Variants in POLRMT observed in about 807,000 individuals in gnomAD.
POLRMT encodes RNA polymerase mitochondrial.
Under a neutral mutation model 132.2 loss-of-function variants are expected in POLRMT, and 114 were observed. That is an observed-to-expected ratio of 0.86 (90% confidence interval 0.74 to 1.01). The LOEUF (loss-of-function observed/expected upper bound fraction) is 1.01, where lower values mean the gene tolerates loss of function less well. Ranked by LOEUF, POLRMT falls within the 50% of genes least tolerant of loss-of-function variation. The pLI, the probability that POLRMT is intolerant of heterozygous loss-of-function variation, is 0.00. For synonymous variants in POLRMT, 1,020 were observed against 773.4 expected, an observed-to-expected ratio of 1.32 and a Z score of -5.29; for missense variants, 2,003 against 1,729.1, an observed-to-expected ratio of 1.16 and a Z score of -2.81.
chr19:627,782 G>A (rs1003713072), intron 3 of POLRMT, among the ~76,000 whole-genome samples: 6 of 151,766 alleles, frequency 4.0e-5, no homozygotes, highest in South Asian at 2.1e-4. Flanking sequence ...AAAATTGGCC[G>A]GGCGTGGTGG....
rs377572880 is a variant in POLRMT at position 623,617 on chromosome 19, G to C, written c.1141-14C>G. ...CACACGCCCATCCTGCAGGGATGGG[G>C]GTAGTGAGGTTGGGGGCTTGCCAGA... is the stretch of plus-strand genomic sequence containing the variant. On this transcript the variant is annotated splice_polypyrimidine_tract_variant and intron_variant, in intron 5 of 20. Coordinates refer to ENST00000588649, the MANE Select transcript of POLRMT (RefSeq NM_005035.4). 2.0e-5 allele frequency: 32 copies of C among 1,612,188 alleles called. No individual in the cohort carries two copies. The highest frequency in any genetic ancestry group is 2.6e-5 in the Non-Finnish European group (31 of 1,179,042).
In POLRMT at chr19:618,599, C is replaced by A; in HGVS notation, c.3324-13G>T. 2 of 1,607,692 alleles carry A rather than the reference C, an allele frequency of 1.2e-6. No homozygotes were observed. Among genetic ancestry groups the A allele is most frequent in the Non-Finnish European group, 1.7e-6 (2 of 1,175,086 alleles). On this transcript the variant is annotated splice_polypyrimidine_tract_variant and intron_variant, in intron 16 of 20. Coordinates refer to ENST00000588649, the MANE Select transcript of POLRMT (RefSeq NM_005035.4). ...TGTGTTGGGCTTTCTGAGGACGGAA[C>A]AGGTGCCGGTGGGGGCGGCCCAGGG...
At chr19:622,013 C>A in intron 9 of POLRMT, 136 bp downstream of exon 9, 1 of 1,127,812 alleles carries the variant, frequency 8.9e-7, no homozygotes, top group South Asian at 1.6e-5. Context: ...GCATGGACAC[C>A]CATGGTGTGT....
chr19:622,681 G>A lies in POLRMT; in HGVS notation c.1527C>T (p.Phe509=), dbSNP rs772755688. The stretch of plus-strand genomic sequence containing the variant: ...GCTGCCTCTGCACCACGTGCCGGCT[G>A]AAAGTGCGCGCACTCAGCTCCCGGG... ...TLARELSART[F]SRHVVQRQRV... Residue 509 remains phenylalanine, a synonymous_variant, in exon 8 of 21, where the codon TTC becomes TTT. Transcript: ENST00000588649. 8 of 1,605,296 alleles carry A rather than the reference G, an allele frequency of 5.0e-6. No individual in the cohort carries two copies. The Admixed American group carries it at 6.7e-5, about 14-fold the overall frequency.
Position 618,118 on chromosome 19 carries a change from G to A in POLRMT, c.3423-269C>T, listed in dbSNP as rs571304487. The A allele has an allele frequency of 1.9e-3, 1,097 of 568,872 alleles. 19 individuals are homozygous for A. The South Asian group carries it at 0.021, about 11-fold the overall frequency. 35.2% of individuals were successfully genotyped at this position (568,872 alleles called of 1,614,324 possible). ...GAGCCTCAGCTCCGAGGGCGGCTAC[G>A]AGGTCCCCTCCTGCCAGGGCCACCA... is the stretch of plus-strand genomic sequence containing the variant. On this transcript the variant is annotated intron_variant, in intron 17 of 20. Coordinates refer to ENST00000588649, the MANE Select transcript of POLRMT (RefSeq NM_005035.4).
In POLRMT at chr19:618,102, C is replaced by T. The variant is rs1009559093; in HGVS notation, c.3423-253G>A. 7.0e-6 allele frequency: 4 copies of T among 575,364 alleles called. No homozygotes were observed. The Admixed American group carries it at 1.2e-4, about 18-fold the overall frequency. The allele number at this position is 575,364 out of a possible 1,614,324, so 35.6% of individuals were successfully genotyped here. ...CCCCACGCTGCTGTGGGAGCCTCAGCTCCGAGGGCGGCTACGAGGTCCCCT... is the reference window on the plus strand; with the variant it reads ...CCCCACGCTGCTGTGGGAGCCTCAGTTCCGAGGGCGGCTACGAGGTCCCCT... On this transcript the variant is annotated intron_variant, in intron 17 of 20. Coordinates refer to ENST00000588649, the MANE Select transcript of POLRMT (RefSeq NM_005035.4).
chr19:619,957 C>T lies in POLRMT; in HGVS notation c.2886+1G>A, dbSNP rs1421737662. 1.9e-6 allele frequency: 3 copies of T among 1,601,962 alleles called. No homozygotes were observed. The highest frequency in any genetic ancestry group is 2.2e-5 in the South Asian group (2 of 90,496). On this transcript the variant is annotated splice_donor_variant, in intron 12 of 20. Transcript: ENST00000588649. LOFTEE classifies it high-confidence loss of function. ...CCCCCGGGCAGCAGGGCACACCCTA[C>T]CTGCGCGGCCACGCCGCTGTACACG...
rs536116807 is a variant in POLRMT, at chr19:629,766, G to A, written c.596C>T (p.Pro199Leu). 105 of 1,569,626 alleles carry A rather than the reference G, an allele frequency of 6.7e-5. 2 individuals carry two copies. In the South Asian group the frequency reaches 1.0e-3, roughly 16 times the overall value. The part of the protein sequence containing the change: ...EQLARLLQEA[P>L]GKLSLDVEQA... ...CTCCACATCGAGGCTCAGCTTCCCA[G>A]GGGCCTCCTGCAGCAGCCGGGCCAG... The change falls in exon 3 of 21, where the codon CCT (proline) becomes CTT (leucine). Residue 199 changes from proline to leucine, a missense_variant. Coordinates refer to ENST00000588649, the MANE Select transcript of POLRMT (RefSeq NM_005035.4).
In POLRMT at chr19:622,112, G is replaced by A. The variant is rs372577153; in HGVS notation, c.1851+37C>T. ...CCATGGGGTCCCTGGTCCTCCCAGCGGGATGCCCCCCAGCTCAGGAGGGCA... is the reference window on the plus strand; with the variant it reads ...CCATGGGGTCCCTGGTCCTCCCAGCAGGATGCCCCCCAGCTCAGGAGGGCA... On this transcript the variant is annotated intron_variant, in intron 9 of 20. Coordinates refer to ENST00000588649, the MANE Select transcript of POLRMT (RefSeq NM_005035.4). The A allele has an allele frequency of 3.2e-4, 473 of 1,500,348 alleles. 7 individuals carry two copies. In the East Asian group the frequency reaches 0.01, roughly 33 times the overall value. 92.9% of individuals were successfully genotyped at this position (1,500,348 alleles called of 1,614,324 possible). A position where few individuals can be genotyped will look rare whatever the true frequency, so the allele number is the denominator to read the frequency against.
chr19:632,513 A>C (rs116637514), intron 2 of POLRMT, among the ~76,000 whole-genome samples: 6 of 144,860 alleles, frequency 4.1e-5, no homozygotes, highest in Non-Finnish European at 1.5e-5. Context: ...CTGGCTCTGC[A>C]CATGTGGCCT....
At chr19:632,539 G>GC (rs1568178704) in intron 2 of POLRMT, among the ~76,000 whole-genome samples, 7 of 151,436 alleles carry the variant, frequency 4.6e-5, no homozygotes, top group Non-Finnish European at 8.9e-5. Context: ...GCGGGGCCGG[G>GC]GGGGGGGTCT....
intron 3 of POLRMT, among the ~76,000 whole-genome samples, chr19:627,631 G>A (rs995446691): frequency 6.6e-6 from 1 of 151,836 alleles, no homozygotes; most frequent in Admixed American, 6.6e-5. Context: ...GATGGTGCTG[G>A]TTAGAATACG....
chr19:621,889 G>A (rs774561983), intron 9 of POLRMT, 43 bp from the exon 10 acceptor site: 2 of 1,591,616 alleles, frequency 1.3e-6, no homozygotes, highest in African/African-American at 1.3e-5. Context: ...CGGTGCTGGG[G>A]CTTTCCTGTT....
Position 629,470 on chromosome 19 carries a change from C to G in POLRMT, c.822+70G>C. The G allele has an allele frequency of 2.2e-6, 3 of 1,377,458 alleles. No homozygotes were observed. The South Asian group carries it at 5.8e-5, about 27-fold the overall frequency. The allele number at this position is 1,377,458 out of a possible 1,614,324, so 85.3% of individuals were successfully genotyped here. On this transcript the variant is annotated intron_variant, in intron 3 of 20. Coordinates refer to ENST00000588649, the MANE Select transcript of POLRMT (RefSeq NM_005035.4). ...ACCTGGGGGCTAAGAGAGAAAAGTC[C>G]AGTCTAAATGAGGGCAAGTTCCTGT... is the stretch of plus-strand genomic sequence containing the variant.
chr19:627,168 T>TTTG (rs1985084310), intron 3 of POLRMT, among the ~76,000 whole-genome samples: 1 of 129,884 alleles, frequency 7.7e-6, no homozygotes, highest in Non-Finnish European at 1.7e-5. Context: ...TTTTTTTTTT[T>TTTG]TGAGACGGAG....
chr19:620,824 G>T (rs1301098903), intron 10 of POLRMT, among the ~76,000 whole-genome samples: 3 of 116,316 alleles, frequency 2.6e-5, no homozygotes, highest in African/African-American at 6.7e-5. Flanking sequence ...CTGGGGCAGG[G>T]GAGAAGGGAG....
chr19:619,104 G>C lies in POLRMT; in HGVS notation c.3160C>G (p.Leu1054Val). The C allele has an allele frequency of 6.2e-7, 1 of 1,611,806 alleles. No individual in the cohort carries two copies. The highest frequency in any genetic ancestry group is 1.1e-5 in the South Asian group (1 of 91,020). The part of the protein sequence containing the change: ...FSGTRAIQHW[L>V]TESARLISHM... ...GAGATGAGGCGGGCACTCTCGGTCA[G>C]CCAGTGCTGTGGGACACAGGCCGTC... The change falls in exon 15 of 21, where the codon CTG becomes GTG. Residue 1054 changes from leucine (L) to valine (V), a missense_variant. Leu to Val is a conservative substitution (Grantham distance 32, BLOSUM62 1). Transcript: ENST00000588649.
chr19:633,006 G>C (rs1440709697), intron 1 of POLRMT, 68 bp from the exon 2 acceptor site: 1 of 1,176,766 alleles, frequency 8.5e-7, no homozygotes, highest in Non-Finnish European at 1.1e-6. Flanking sequence ...AAAGGCAGAA[G>C]CCGAAGGGTC....
At chr19:629,468 T>A in intron 3 of POLRMT, 72 bp downstream of exon 3, 3 of 1,373,004 alleles carry the variant, frequency 2.2e-6, no homozygotes, top group Non-Finnish European at 2.9e-6. Context: ...GAGAGAAAAG[T>A]CCAGTCTAAA....
Sources: allele counts gnomAD v4.1 joint callset (sites outside exome capture counted in the v4.1 genomes callset), GRCh38; gene constraint gnomAD v4.1.1; transcripts MANE v1.5; gene names NCBI Gene and HGNC (gene_info 2026-07-23, HGNC 2026-07-21).